Variants in CA10 observed in about 807,000 individuals in gnomAD.
CA10 encodes carbonic anhydrase 10 (inactive).
A neutral mutation model predicts 44.2 loss-of-function variants in CA10; 14 were observed. The observed-to-expected ratio is 0.32, with a 90% CI of 0.21 to 0.50. CA10 has a LOEUF of 0.50. Ranked by LOEUF, CA10 falls within the 20% of genes least tolerant of loss-of-function variation. The probability of loss-of-function intolerance (pLI) is 0.99; values close to 1 mark genes in which losing one functional copy is unlikely to be tolerated. For synonymous variants in CA10, 159 were observed against 141.6 expected (o/e 1.12, Z -0.87); for missense variants, 350 against 409.7 (o/e 0.85, Z 1.26).
chr17:51,876,623 A>G (rs1447867306), intron 3 of CA10, among the ~76,000 whole-genome samples: 1 of 152,038 alleles, frequency 6.6e-6, no homozygotes, highest in East Asian at 1.9e-4. Context: ...CAGCCTCTGA[A>G]CCAGTTGTGA....
chr17:52,056,914 A>G (rs1205044164), intron 2 of CA10, among the ~76,000 whole-genome samples: 1 of 152,094 alleles, frequency 6.6e-6, no homozygotes, highest in African/African-American at 2.4e-5. Context: ...GTTTACAATC[A>G]TAGTGCTATT....
intron 2 of CA10, among the ~76,000 whole-genome samples, chr17:52,023,934 T>G (rs1335112211): frequency 2.6e-5 from 4 of 152,144 alleles, no homozygotes; most frequent in African/African-American, 9.7e-5. Context: ...TTTACTATGT[T>G]TTACCTATGT....
chr17:52,050,392 C>A (rs141186855), intron 2 of CA10, among the ~76,000 whole-genome samples: 1 of 152,050 alleles, frequency 6.6e-6, no homozygotes, highest in Non-Finnish European at 1.5e-5. Context: ...CTTCTGTAAT[C>A]GACATCTAAG....
At chr17:51,637,816 A>G (rs543088958) in intron 6 of CA10, among the ~76,000 whole-genome samples, 1 of 152,348 alleles carries the variant, frequency 6.6e-6, no homozygotes, top group East Asian at 1.9e-4. Context: ...CCTCCAGACC[A>G]AGGTCATTTT....
intron 2 of CA10, among the ~76,000 whole-genome samples, chr17:51,932,836 A>G (rs1982717528): frequency 6.6e-6 from 1 of 152,148 alleles, no homozygotes; most frequent in Non-Finnish European, 1.5e-5. Flanking sequence ...AGACTACAAT[A>G]TTTAAGAAAG....
intron 2 of CA10, among the ~76,000 whole-genome samples, chr17:51,950,106 A>G (rs1983426096): frequency 6.6e-6 from 1 of 152,130 alleles, no homozygotes; most frequent in Non-Finnish European, 1.5e-5. Flanking sequence ...CTTACTGATC[A>G]TTAGCCTTGC....
At chr17:52,134,262 A>G (rs1023465895) in intron 1 of CA10, among the ~76,000 whole-genome samples, 1 of 152,198 alleles carries the variant, frequency 6.6e-6, no homozygotes, top group African/African-American at 2.4e-5. Flanking sequence ...ATAACCTCCC[A>G]TCAGCTTCTT....
intron 3 of CA10, among the ~76,000 whole-genome samples, chr17:51,896,201 A>C (rs1258364720): frequency 1.3e-5 from 2 of 152,038 alleles, no homozygotes; most frequent in Non-Finnish European, 2.9e-5. Flanking sequence ...GGTAATAAGC[A>C]TAGTACCCGG....
intron 3 of CA10, among the ~76,000 whole-genome samples, chr17:51,792,192 C>T (rs1651175403): frequency 6.6e-6 from 1 of 152,154 alleles, no homozygotes; most frequent in Admixed American, 6.5e-5. Context: ...AACAGGCATA[C>T]AGAGGCTAAG....
intron 2 of CA10, among the ~76,000 whole-genome samples, chr17:51,994,466 G>A (rs1025462051): frequency 1.3e-5 from 2 of 151,966 alleles, no homozygotes; most frequent in African/African-American, 2.4e-5. Flanking sequence ...GGACACATCC[G>A]ACTGAAGGTT....
At chr17:51,984,383 C>T (rs967373364) in intron 2 of CA10, among the ~76,000 whole-genome samples, 1 of 151,716 alleles carries the variant, frequency 6.6e-6, no homozygotes, top group Admixed American at 6.6e-5. Flanking sequence ...GTTCATAGCC[C>T]TAAATGCCTA....
intron 1 of CA10, among the ~76,000 whole-genome samples, chr17:52,089,877 C>A (rs1988214607): frequency 6.6e-6 from 1 of 151,978 alleles, no homozygotes; most frequent in Non-Finnish European, 1.5e-5. Context: ...ATGGGGAATA[C>A]AATTTGGAAA....
rs61631215 is a variant in CA10 at position 51,765,691 on chromosome 17, C to CTGTGTGTGTGTGTG, written c.280-17887_280-17874dup. Among the ~76,000 whole-genome samples, 172 of 140,366 alleles carry CTGTGTGTGTGTGTG rather than the reference C, an allele frequency of 1.2e-3. 3 individuals carry two copies. The highest frequency in any genetic ancestry group is 2.2e-3 in the South Asian group (9 of 4,074). The allele number at this position is 140,366 out of a possible 152,430, so 92.1% of individuals were successfully genotyped here. ...GAGAGCTTGCAAGGCAGGCAGCTCC[C>CTGTGTGTGTGTGTG]TGTGTGTGTGTGTGTGTGTGTGTGT... is the stretch of plus-strand genomic sequence containing the variant. On this transcript the variant is annotated intron_variant, in intron 3 of 8. Transcript: ENST00000451037.
intron 4 of CA10, among the ~76,000 whole-genome samples, chr17:51,656,940 G>A (rs1661425141): frequency 6.6e-6 from 1 of 152,202 alleles, no homozygotes; most frequent in Non-Finnish European, 1.5e-5. Flanking sequence ...AACAGGCTGA[G>A]TCCAGATCAT....
chr17:52,154,652 C>A (rs1420971656), intron 1 of CA10, among the ~76,000 whole-genome samples: 2 of 152,050 alleles, frequency 1.3e-5, no homozygotes, highest in Non-Finnish European at 2.9e-5. Flanking sequence ...CTTCACAGAC[C>A]CTGGATGCCT....
intron 2 of CA10, among the ~76,000 whole-genome samples, chr17:51,957,548 T>C (rs1230289300): frequency 2.6e-5 from 4 of 152,000 alleles, no homozygotes; most frequent in Non-Finnish European, 5.9e-5. Flanking sequence ...TGGATGCAAG[T>C]GAAGGCCAAG....
chr17:51,875,271 A>G (rs2143870367), intron 3 of CA10, among the ~76,000 whole-genome samples: 1 of 152,290 alleles, frequency 6.6e-6, no homozygotes, highest in African/African-American at 2.4e-5. Context: ...CTGGCCTTCC[A>G]AAGTGCTGGG....
At chr17:52,116,761 G>A (rs1260452494) in intron 1 of CA10, among the ~76,000 whole-genome samples, 2 of 152,168 alleles carry the variant, frequency 1.3e-5, no homozygotes, top group South Asian at 2.1e-4. Flanking sequence ...TGGCAAAAGG[G>A]TAAAAGTTTT....
chr17:51,895,055 A>G (rs1981011491), intron 3 of CA10, among the ~76,000 whole-genome samples: 1 of 152,106 alleles, frequency 6.6e-6, no homozygotes. Flanking sequence ...ATGAATTATT[A>G]TTCTCATCAC....
Sources: allele counts gnomAD v4.1 joint callset (sites outside exome capture counted in the v4.1 genomes callset), GRCh38; gene constraint gnomAD v4.1.1; transcripts MANE v1.5; gene names NCBI Gene and HGNC (gene_info 2026-07-23, HGNC 2026-07-21).